Variants in ADAMTS3 observed in about 807,000 individuals in gnomAD.
The protein encoded by ADAMTS3 is ADAM metallopeptidase with thrombospondin type 1 motif 3, also known as A disintegrin and metalloproteinase with thrombospondin motifs 3.
Under a neutral mutation model 129.0 loss-of-function variants are expected in ADAMTS3, and 73 were observed. The observed-to-expected ratio is 0.57, with a 90% confidence interval of 0.47 to 0.69. The LOEUF (loss-of-function observed/expected upper bound fraction) is 0.69, where lower values mean the gene tolerates loss of function less well. ADAMTS3 is among the 30% of genes least tolerant of loss of function. The pLI, the probability that ADAMTS3 is intolerant of heterozygous loss-of-function variation, is 0.00. For synonymous variants in ADAMTS3, 477 were observed against 510.8 expected, an observed-to-expected ratio of 0.93 and a Z score of 0.89; for missense variants, 1,457 against 1,514.5, an observed-to-expected ratio of 0.96 and a Z score of 0.63.
rs1718876002 is a variant in ADAMTS3 at position 72,298,822 on chromosome 4, A to G, written c.2425-380T>C. Among the ~76,000 whole-genome samples, 3 of 151,576 alleles carry G rather than the reference A, an allele frequency of 2.0e-5. No homozygotes were observed. In the South Asian group the frequency reaches 6.2e-4, roughly 31 times the overall value. On this transcript the variant is annotated intron_variant, in intron 17 of 21. Coordinates refer to ENST00000286657, the MANE Select transcript of ADAMTS3 (RefSeq NM_014243.3). ...TTAAAGGATTAAAATTTTTAAATTA[A>G]AATTTTTAAATTTTTAAATTTTTTG...
At chr4:72,418,115 T>A (rs1722355442) in intron 3 of ADAMTS3, among the ~76,000 whole-genome samples, 1 of 151,838 alleles carries the variant, frequency 6.6e-6, no homozygotes, top group South Asian at 2.1e-4. Context: ...GACAGGGCAG[T>A]TGATAGTAAA....
intron 17 of ADAMTS3, among the ~76,000 whole-genome samples, chr4:72,302,051 G>A (rs1038302644): frequency 3.3e-5 from 5 of 152,072 alleles, no homozygotes; most frequent in Non-Finnish European, 7.3e-5. Flanking sequence ...GGACAACACT[G>A]AAATAGACTA....
intron 4 of ADAMTS3, among the ~76,000 whole-genome samples, chr4:72,411,512 T>G (rs758499322): frequency 6.6e-6 from 1 of 151,872 alleles, no homozygotes; most frequent in Non-Finnish European, 1.5e-5. Context: ...AATGACAGAG[T>G]AGAAGGCAAG....
intron 3 of ADAMTS3, among the ~76,000 whole-genome samples, chr4:72,494,339 G>C (rs1221045832): frequency 6.6e-6 from 1 of 151,950 alleles, no homozygotes; most frequent in Non-Finnish European, 1.5e-5. Context: ...TTTTCTGATT[G>C]ATTGAGTCTG....
intron 4 of ADAMTS3, among the ~76,000 whole-genome samples, chr4:72,363,519 A>T (rs1720781631): frequency 6.6e-6 from 1 of 152,276 alleles, no homozygotes; most frequent in South Asian, 2.1e-4. Flanking sequence ...ATTTTTTTGC[A>T]ATTTGGCAAT....
chr4:72,299,367 T>TTTTTA (rs762962386), intron 17 of ADAMTS3, among the ~76,000 whole-genome samples: 28 of 152,046 alleles, frequency 1.8e-4, no homozygotes, highest in Admixed American at 8.5e-4. Context: ...AAAAAAAAGT[T>TTTTTA]AAAAAAAGAA....
chr4:72,529,978 A>ATATATAACATATTATATTTATATATAAT (rs372655516), intron 3 of ADAMTS3, among the ~76,000 whole-genome samples: 1 of 6,724 alleles, frequency 1.5e-4, no homozygotes, highest in South Asian at 7.0e-3. Flanking sequence ...TTTATATATA[A>ATATATAACATATTATATTTATATATAAT]ATATAATATA....
chr4:72,319,294 A>C, intron 9 of ADAMTS3, 38 bp downstream of exon 9: 1 of 1,611,378 alleles, frequency 6.2e-7, no homozygotes, highest in Non-Finnish European at 8.5e-7. Context: ...TGTAGGCTAT[A>C]AAATAAATAC....
At chr4:72,372,583 A>G (rs1414641454) in intron 4 of ADAMTS3, among the ~76,000 whole-genome samples, 2 of 152,050 alleles carry the variant, frequency 1.3e-5, no homozygotes, top group Non-Finnish European at 1.5e-5. Flanking sequence ...GAAATCTAAA[A>G]TAATCTATTG....
intron 2 of ADAMTS3, among the ~76,000 whole-genome samples, chr4:72,558,677 C>T (rs994550291): frequency 6.6e-6 from 1 of 151,654 alleles, no homozygotes; most frequent in African/African-American, 2.4e-5. Flanking sequence ...AAAGCTATTG[C>T]ATTTGAGGTA....
rs375640530 is a variant in ADAMTS3, at chr4:72,312,305, T to G, written c.1907A>C (p.Tyr636Ser). The G allele has an allele frequency of 2.5e-6, 4 of 1,613,494 alleles. No homozygotes were observed. In the African/African-American group the frequency reaches 5.3e-5, roughly 22 times the overall value. ...YQNTKHHWLP[Y>S]EHPDPKKRCH... ...AGGCTACTCACGGTCAGGATGTTCATATGGCAACCAGTGGTGTTTGGTATT... is the reference window on the plus strand; with the variant it reads ...AGGCTACTCACGGTCAGGATGTTCAGATGGCAACCAGTGGTGTTTGGTATT... The change falls in exon 13 of 22, where the codon TAT (tyrosine) becomes TCT (serine). Residue 636 changes from tyrosine to serine, a missense_variant. Coordinates refer to ENST00000286657, the MANE Select transcript of ADAMTS3 (RefSeq NM_014243.3).
rs376215254 is a variant in ADAMTS3 at position 72,479,625 on chromosome 4, T to C, written c.505-64654A>G. On this transcript the variant is annotated intron_variant, in intron 3 of 21. Transcript: ENST00000286657. ...AACCTAGGCATTACCATTCAGGACA[T>C]AGGCATGGGCAAGGACTTCATGTCT... Among the ~76,000 whole-genome samples, 180 of 152,262 alleles carry C rather than the reference T, an allele frequency of 1.2e-3. 1 individual carries two copies. The East Asian group carries it at 0.032, about 27-fold the overall frequency.
intron 10 of ADAMTS3, among the ~76,000 whole-genome samples, chr4:72,316,446 G>A (rs368645593): frequency 2.0e-5 from 3 of 152,160 alleles, no homozygotes; most frequent in African/African-American, 7.2e-5. Flanking sequence ...AGCACTTTGG[G>A]AGGCTGAGAT....
intron 3 of ADAMTS3, among the ~76,000 whole-genome samples, chr4:72,530,726 A>G (rs1367813199): frequency 1.3e-5 from 1 of 75,592 alleles, no homozygotes; most frequent in East Asian, 4.0e-4. Flanking sequence ...ATAATATTAT[A>G]CATTATATAT....
chr4:72,316,109 GA>G (rs201741355), intron 10 of ADAMTS3, 138 bp from the exon 11 acceptor site: 7 of 432,338 alleles, frequency 1.6e-5, no homozygotes, highest in South Asian at 9.3e-5. Context: ...TTGACATGTT[GA>G]AAAAAAACTG....
At chr4:72,285,769 C>CA (rs5859311) in intron 21 of ADAMTS3, among the ~76,000 whole-genome samples, 6,243 of 93,386 alleles carry the variant, frequency 0.067, 200 homozygotes, top group African/African-American at 0.11. Context: ...AGCTTACAGG[C>CA]AAAAAAAAAA....
At chr4:72,476,659 G>C (rs1349635277) in intron 3 of ADAMTS3, among the ~76,000 whole-genome samples, 1 of 152,082 alleles carries the variant, frequency 6.6e-6, no homozygotes, top group Non-Finnish European at 1.5e-5. Flanking sequence ...AAGACAAAGG[G>C]AGGGAAGGAA....
intron 4 of ADAMTS3, among the ~76,000 whole-genome samples, chr4:72,403,774 C>T (rs1381974841): frequency 6.6e-6 from 1 of 151,950 alleles, no homozygotes; most frequent in Admixed American, 6.6e-5. Flanking sequence ...TTCAGCAACC[C>T]TTGAACACAT....
chr4:72,411,441 C>T (rs561586346), intron 4 of ADAMTS3, among the ~76,000 whole-genome samples: 1 of 152,066 alleles, frequency 6.6e-6, no homozygotes, highest in African/African-American at 2.4e-5. Flanking sequence ...TAGCAAATAT[C>T]TTTCATAGGC....
Sources: allele counts gnomAD v4.1 joint callset (sites outside exome capture counted in the v4.1 genomes callset), GRCh38; gene constraint gnomAD v4.1.1; transcripts MANE v1.5; gene names NCBI Gene and HGNC (gene_info 2026-07-23, HGNC 2026-07-21).